Variants in RYR2 observed in about 807,000 individuals in gnomAD.
RYR2 encodes the protein ryanodine receptor 2, also known as cardiac muscle ryanodine receptor-calcium release channel.
Under a neutral mutation model 601.1 loss-of-function variants are expected in RYR2, and 227 were observed. The observed-to-expected ratio is 0.38, with a 90% CI of 0.34 to 0.42. The LOEUF (loss-of-function observed/expected upper bound fraction) is 0.42, where lower values mean the gene tolerates loss of function less well. RYR2 is among the 10% of genes least tolerant of loss of function. The pLI, the probability that RYR2 is intolerant of heterozygous loss-of-function variation, is 1.00. For missense variants in RYR2, 4,646 were observed against 6,156.5 expected (o/e 0.75, Z 8.21); for synonymous variants, 2,223 against 2,175.1 (o/e 1.02, Z -0.61).
At chr1:237,042,745 G>A (rs1267805229) in intron 1 of RYR2, among the ~76,000 whole-genome samples, 176 bp downstream of exon 1, 1 of 152,166 alleles carries the variant, frequency 6.6e-6, no homozygotes, top group Non-Finnish European at 1.5e-5. Flanking sequence ...GCGTGTTGGG[G>A]CGAGGGAAGG....
In RYR2 at chr1:237,610,635, G is replaced by A. The variant is rs1160676515; in HGVS notation, c.4684-127G>A. On this transcript the variant is annotated intron_variant, in intron 35 of 104. Coordinates refer to ENST00000366574, the MANE Select transcript of RYR2 (RefSeq NM_001035.3). The surrounding 1 kb of genome is among the most constrained non-coding windows in gnomAD (Gnocchi z 4.9). ...CCCAATTTCTATGATTTCTTGTGTT[G>A]ACTTTGCTTGACTCATAGGGTTATC... 1.7e-5 allele frequency: 12 copies of A among 725,878 alleles called. No individual in the cohort carries two copies. The highest frequency in any genetic ancestry group is 2.7e-5 in the Non-Finnish European group (12 of 446,052). The allele number at this position is 725,878 out of a possible 1,614,324, so 45.0% of individuals were successfully genotyped here.
chr1:237,821,363 A>G (rs1419751745), intron 101 of RYR2, among the ~76,000 whole-genome samples: 1 of 152,172 alleles, frequency 6.6e-6, no homozygotes, highest in Non-Finnish European at 1.5e-5. Context: ...TGCAACCTTC[A>G]CTGGTGATAC....
intron 3 of RYR2, among the ~76,000 whole-genome samples, chr1:237,336,849 T>G (rs1697285585): frequency 6.6e-6 from 1 of 151,674 alleles, no homozygotes; most frequent in Non-Finnish European, 1.5e-5. Flanking sequence ...AAAGTGAGAC[T>G]CCATCTCTAA....
Position 237,773,568 on chromosome 1 carries a change from G to A in RYR2, c.11695G>A (p.Asp3899Asn), listed in dbSNP as rs775887660. 1 of 1,601,238 alleles carries A rather than the reference G, an allele frequency of 6.2e-7. No homozygotes were observed. The change falls in exon 87 of 105, where the codon GAT becomes AAT. Residue 3899 changes from aspartate to asparagine, a missense_variant. By Grantham distance (23) the Asp-to-Asn change is conservative. Transcript: ENST00000366574. ...YWYYSGKDVIDEQGQRNFSKA... is the reference protein window; with the variant it reads ...YWYYSGKDVINEQGQRNFSKA... ...GTATTACTCTGGGAAAGATGTTATTGATGAACAAGGACAACGGAATTTCTC... is the reference window on the plus strand; with the variant it reads ...GTATTACTCTGGGAAAGATGTTATTAATGAACAAGGACAACGGAATTTCTC...
chr1:237,100,383 T>C (rs1667949890), intron 1 of RYR2, among the ~76,000 whole-genome samples: 1 of 139,550 alleles, frequency 7.2e-6, no homozygotes, highest in African/African-American at 2.5e-5. Flanking sequence ...CTTCTTTTTT[T>C]TTCTTTCCTC....
chr1:237,531,205 T>G (rs1668108498), intron 25 of RYR2, among the ~76,000 whole-genome samples: 1 of 152,174 alleles, frequency 6.6e-6, no homozygotes, highest in African/African-American at 2.4e-5. Flanking sequence ...AATTATGAAG[T>G]CAGCATTATT....
intron 1 of RYR2, among the ~76,000 whole-genome samples, chr1:237,182,160 T>C (rs936748031): frequency 3.3e-5 from 5 of 151,804 alleles, no homozygotes; most frequent in African/African-American, 1.2e-4. Context: ...CGCACTCTAT[T>C]GCCCAGGCTG....
chr1:237,504,667 G>A (rs894639073), intron 22 of RYR2, among the ~76,000 whole-genome samples: 1 of 152,116 alleles, frequency 6.6e-6, no homozygotes, highest in African/African-American at 2.4e-5. Context: ...AAATTTTAAG[G>A]TATAATAGTG....
chr1:237,649,923 T>G lies in RYR2; in HGVS notation c.7559T>G (p.Leu2520Arg). 1 of 1,613,970 alleles carries G rather than the reference T, an allele frequency of 6.2e-7. No homozygotes were observed. Among genetic ancestry groups the G allele is most frequent in the Non-Finnish European group, 8.5e-7 (1 of 1,179,884 alleles). Residue 2520 changes from leucine to arginine, a missense_variant, in exon 50 of 105, where the codon CTT becomes CGT. By Grantham distance (102) the Leu-to-Arg change is moderately radical. This residue lies in a region of RYR2 where 1,497 missense variants were observed against 1,842.6 expected (regional missense o/e 0.81). Coordinates refer to ENST00000366574, the MANE Select transcript of RYR2 (RefSeq NM_001035.3). ...ATGGCCTTGGCCCTCAATCGGTACCTTTGCACAGCCGTCTTGCCATTGTTA... is the reference window on the plus strand; with the variant it reads ...ATGGCCTTGGCCCTCAATCGGTACCGTTGCACAGCCGTCTTGCCATTGTTA... ...TDMALALNRYLCTAVLPLLTR... is the reference protein window; with the variant it reads ...TDMALALNRYRCTAVLPLLTR...
intron 2 of RYR2, among the ~76,000 whole-genome samples, chr1:237,288,430 G>C (rs1691807221): frequency 6.6e-6 from 1 of 151,882 alleles, no homozygotes; most frequent in South Asian, 2.1e-4. Flanking sequence ...AGGACCATCA[G>C]GTAGGGGAGG....
At chr1:237,258,641 T>C (rs771293085) in intron 1 of RYR2, among the ~76,000 whole-genome samples, 4 of 152,216 alleles carry the variant, frequency 2.6e-5, no homozygotes, top group East Asian at 1.9e-4. Context: ...TCTTTGAAGA[T>C]GGCTCAAGTT....
intron 27 of RYR2, among the ~76,000 whole-genome samples, chr1:237,561,067 G>T (rs1559028844): frequency 6.6e-6 from 1 of 152,056 alleles, no homozygotes; most frequent in Non-Finnish European, 1.5e-5. Context: ...ATATAGGGAA[G>T]GGAAGAATGA....
chr1:237,208,799 C>T (rs1303226560), intron 1 of RYR2, among the ~76,000 whole-genome samples: 1 of 151,554 alleles, frequency 6.6e-6, no homozygotes, highest in Non-Finnish European at 1.5e-5. Flanking sequence ...CCCTACTGTA[C>T]ATTAGGTCTC....
At chr1:237,184,902 G>T (rs1466691814) in intron 1 of RYR2, among the ~76,000 whole-genome samples, 14 of 146,192 alleles carry the variant, frequency 9.6e-5, no homozygotes, top group African/African-American at 3.1e-4. Flanking sequence ...ACAGGGTCTT[G>T]CTCTGTTGCC....
intron 10 of RYR2, among the ~76,000 whole-genome samples, chr1:237,394,833 G>C (rs938772272): frequency 2.0e-5 from 3 of 152,178 alleles, no homozygotes; most frequent in African/African-American, 4.8e-5. Flanking sequence ...AATTTATAAA[G>C]ACAAGAGTCT....
At chr1:237,279,390 AT>A (rs1690623802) in intron 2 of RYR2, among the ~76,000 whole-genome samples, 1 of 152,238 alleles carries the variant, frequency 6.6e-6, no homozygotes, top group African/African-American at 2.4e-5. Context: ...TACTTAAAAA[AT>A]AATTAATATC....
intron 1 of RYR2, among the ~76,000 whole-genome samples, chr1:237,078,765 T>G (rs1162194237): frequency 7.3e-6 from 1 of 137,534 alleles, no homozygotes; most frequent in Non-Finnish European, 1.6e-5. Flanking sequence ...GAATCCTCCC[T>G]AAGTCATTTT....
At chr1:237,097,115 A>C (rs773047021) in intron 1 of RYR2, among the ~76,000 whole-genome samples, 2 of 152,204 alleles carry the variant, frequency 1.3e-5, no homozygotes, top group Admixed American at 1.3e-4. Flanking sequence ...CAACTTCTAG[A>C]TGGCATATAT....
intron 95 of RYR2, 126 bp from the exon 96 acceptor site, chr1:237,795,163 T>C: frequency 2.0e-6 from 1 of 494,230 alleles, no homozygotes; most frequent in South Asian, 3.0e-5. Flanking sequence ...GCCAAATTCA[T>C]TGTAAGTTTA....
Sources: allele counts gnomAD v4.1 joint callset (sites outside exome capture counted in the v4.1 genomes callset), GRCh38; gene constraint gnomAD v4.1.1; regional missense constraint gnomAD v4.1.1; non-coding constraint Gnocchi (gnomAD v3.1); transcripts MANE v1.5; gene names NCBI Gene and HGNC (gene_info 2026-07-23, HGNC 2026-07-21).